Variants in APTX observed in about 807,000 individuals in gnomAD.
APTX encodes the protein aprataxin.
A neutral mutation model predicts 42.3 loss-of-function variants in APTX; 33 were observed. The observed-to-expected ratio is 0.78, with a 90% confidence interval of 0.59 to 1.04. APTX has a LOEUF of 1.04. Ranked by LOEUF, APTX falls within the 50% of genes least tolerant of loss-of-function variation. The pLI is 0.00. For missense variants in APTX, 421 were observed against 415.1 expected, an observed-to-expected ratio of 1.01 and a Z score of -0.12; for synonymous variants, 130 against 146.7, an observed-to-expected ratio of 0.89 and a Z score of 0.82.
chr9:33,011,067 TGA>T (rs1837506346), intron 1 of APTX, among the ~76,000 whole-genome samples: 1 of 151,174 alleles, frequency 6.6e-6, no homozygotes, highest in Non-Finnish European at 1.5e-5. Context: ...TGCTTGAACC[TGA>T]GAGGCAGAGG....
intron 1 of APTX, among the ~76,000 whole-genome samples, chr9:32,999,378 A>G (rs1835728019): frequency 6.6e-6 from 1 of 152,246 alleles, no homozygotes; most frequent in Non-Finnish European, 1.5e-5. Flanking sequence ...GATGACAGCT[A>G]AAGTTATAAT....
chr9:32,987,436 G>T, intron 4 of APTX, 108 bp downstream of exon 4: 2 of 1,401,230 alleles, frequency 1.4e-6, no homozygotes, highest in Non-Finnish European at 2.0e-6. Context: ...CTTTCATCAT[G>T]GTTAATAACC....
intron 2 of APTX, among the ~76,000 whole-genome samples, chr9:32,989,380 G>C (rs1346154105): frequency 6.6e-6 from 1 of 152,164 alleles, no homozygotes; most frequent in African/African-American, 2.4e-5. Flanking sequence ...TTTGCGTGAA[G>C]CAATATGTAA....
At chr9:33,020,543 C>T (rs1008506835) in intron 1 of APTX, among the ~76,000 whole-genome samples, 5 of 152,216 alleles carry the variant, frequency 3.3e-5, no homozygotes, top group African/African-American at 1.2e-4. Context: ...ATCAAATCAG[C>T]TCTAAAACAA....
At position 32,988,686 on chromosome 9, in the gene APTX, G is replaced by GGAAAA. The variant is rs1563970063; in HGVS notation, c.134-558_134-557insTTTTC. On this transcript the variant is annotated intron_variant, in intron 2 of 7. Transcript: ENST00000379817. ...ACAGAGTGAGACCCTATCTCAGGAGGAAAAAAAAAAAAAAAAAAAAAAAAA... is the reference window on the plus strand; with the variant it reads ...ACAGAGTGAGACCCTATCTCAGGAGGGAAAAAAAAAAAAAAAAAAAAAAAAAAAAA... Among the ~76,000 whole-genome samples the GGAAAA allele has an allele frequency of 1.1e-4, 8 of 70,888 alleles. 3 individuals carry two copies. The highest frequency in any genetic ancestry group is 2.1e-4 in the Non-Finnish European group (8 of 38,030). 46.5% of individuals were successfully genotyped at this position (70,888 alleles called of 152,430 possible). A position where few individuals can be genotyped will look rare whatever the true frequency, so the allele number is the denominator to read the frequency against.
At position 32,987,776 on chromosome 9, in the gene APTX, C is replaced by T; in HGVS notation, c.251G>A (p.Gly84Asp). The change falls in exon 4 of 8, where the codon GGC becomes GAC. Residue 84 changes from glycine (G) to aspartate (D), a missense_variant. Transcript: ENST00000379817. Reference sequence around the variant, plus strand: ...TTCATTCACCATGTGGAGAACCTGGCCAGGCTGCAGCTTCACCTCTTGGTC... The same window carrying T: ...TTCATTCACCATGTGGAGAACCTGGTCAGGCTGCAGCTTCACCTCTTGGTC... ...GKDQEVKLQPGQVLHMVNELY... is the reference protein window; with the variant it reads ...GKDQEVKLQPDQVLHMVNELY... The T allele has an allele frequency of 6.2e-7, 1 of 1,614,138 alleles. No individual in the cohort carries two copies. Among genetic ancestry groups the T allele is most frequent in the Non-Finnish European group, 8.5e-7 (1 of 1,180,040 alleles).
At chr9:33,006,210 CAGG>C (rs1333484197), upstream of APTX, among the ~76,000 whole-genome samples, 1 of 151,854 alleles carries the variant, frequency 6.6e-6, no homozygotes, top group Admixed American at 6.6e-5. Flanking sequence ...TGCTTGAGGC[CAGG>C]AGTTCAAGAT....
At chr9:32,992,023 G>A (rs1413154772) in intron 1 of APTX, among the ~76,000 whole-genome samples, 1 of 152,100 alleles carries the variant, frequency 6.6e-6, no homozygotes, top group Non-Finnish European at 1.5e-5. Flanking sequence ...TATTTGAGAG[G>A]CATCAACATG....
At chr9:33,007,905 C>T (rs952989334) in intron 1 of APTX, among the ~76,000 whole-genome samples, 1 of 151,850 alleles carries the variant, frequency 6.6e-6, no homozygotes, top group Non-Finnish European at 1.5e-5. Context: ...CCTATCAACC[C>T]GTCCTCTGCT....
chr9:33,017,518 C>T (rs1209561095), intron 1 of APTX, among the ~76,000 whole-genome samples: 1 of 137,234 alleles, frequency 7.3e-6, no homozygotes, highest in African/African-American at 2.5e-5. Flanking sequence ...TAGTCACTTC[C>T]CAAAGGCCCC....
At chr9:32,999,103 T>TA (rs1835652670) in intron 1 of APTX, among the ~76,000 whole-genome samples, 1 of 152,180 alleles carries the variant, frequency 6.6e-6, no homozygotes, top group African/African-American at 2.4e-5. Flanking sequence ...ACTTGTTGAA[T>TA]AAATCATCTG....
At chr9:33,001,705 A>G (rs138208070), upstream of APTX, 3 of 1,500,996 alleles carry the variant, frequency 2.0e-6, no homozygotes, top group African/African-American at 2.8e-5. Context: ...GGCTGAAAGA[A>G]TCTTGCCCAC....
At chr9:33,016,069 G>A (rs1288327120) in intron 1 of APTX, 3 of 152,204 alleles carry the variant, frequency 2.0e-5, no homozygotes, top group Admixed American at 1.3e-4. Flanking sequence ...ATGGTATCTA[G>A]GAGTTCGTAT....
intron 1 of APTX, among the ~76,000 whole-genome samples, chr9:33,021,634 G>A (rs989256482): frequency 4.6e-5 from 7 of 152,148 alleles, no homozygotes; most frequent in Non-Finnish European, 1.0e-4. Flanking sequence ...AACAGCCTGG[G>A]CAACATAGGA....
chr9:33,000,625 C>CAAAAAAAAAA (rs60760701), intron 1 of APTX, among the ~76,000 whole-genome samples: 88 of 63,166 alleles, frequency 1.4e-3, no homozygotes, highest in Non-Finnish European at 1.5e-3. Flanking sequence ...GACTCTGTCT[C>CAAAAAAAAAA]AAAAAAAAAA....
chr9:32,986,605 C>T (rs546482936), intron 4 of APTX, among the ~76,000 whole-genome samples: 3 of 151,406 alleles, frequency 2.0e-5, no homozygotes, highest in East Asian at 3.9e-4. Flanking sequence ...CGGGTTCAAG[C>T]GATGCTCCTG....
In APTX at chr9:32,974,887, C is replaced by T. The variant is rs10758176; in HGVS notation, c.771-326G>A. ...AATAATAAATAAGCAAACAAATAAA[C>T]AAACAAAAAAAAACTTAAAGAATTA... On this transcript the variant is annotated intron_variant, in intron 6 of 7. Transcript: ENST00000379817. Among the ~76,000 whole-genome samples the T allele has an allele frequency of 0.87, 131,957 of 152,060 alleles. 57,579 individuals are homozygous for T. Among genetic ancestry groups the T allele is most frequent in the East Asian group, 1 (5,180 of 5,192 alleles).
intron 1 of APTX, chr9:33,019,927 G>T: frequency 2.0e-6 from 1 of 503,126 alleles, no homozygotes; most frequent in Admixed American, 3.6e-5. Context: ...AGGGGGTCGG[G>T]AAAGGCACGC....
chr9:33,011,844 C>A (rs569370600), intron 1 of APTX, among the ~76,000 whole-genome samples: 7 of 152,312 alleles, frequency 4.6e-5, no homozygotes, highest in Admixed American at 3.9e-4. Flanking sequence ...TGAGCCCACT[C>A]TCCTGAACCT....
Sources: gnomAD v4.1 joint callset for allele counts (sites outside exome capture counted in the v4.1 genomes callset) on GRCh38, gnomAD v4.1.1 for gene constraint, MANE v1.5 for transcripts, NCBI Gene and HGNC (gene_info 2026-07-23, HGNC 2026-07-21) for gene names.